Variants in ANKRD36 observed in about 807,000 individuals in gnomAD.
The protein encoded by ANKRD36 is ankyrin repeat domain 36.
In ANKRD36, 179 loss-of-function variants were observed where a neutral mutation model predicts 278.1. That is an observed-to-expected ratio of 0.64 (90% confidence interval 0.57 to 0.73). ANKRD36 has a LOEUF of 0.73. Among genes scored for constraint, ANKRD36 ranks in the 30% least tolerant of loss-of-function variants. The probability of loss-of-function intolerance (pLI) is 0.00; values close to 1 mark genes in which losing one functional copy is unlikely to be tolerated. For missense variants in ANKRD36, 1,159 were observed against 1,956.7 expected (o/e 0.59, Z 7.69); for synonymous variants, 320 against 641.1 (o/e 0.50, Z 7.57).
In ANKRD36 at chr2:97,187,320, T is replaced by G; in HGVS notation, c.2071-9T>G. On this transcript the variant is annotated splice_polypyrimidine_tract_variant and intron_variant, in intron 31 of 75. Coordinates refer to ENST00000420699, the MANE Select transcript of ANKRD36 (RefSeq NM_001354587.1). ...ATTTATTTATTATTTTCTTTCAAAT[T>G]CCATTCAGGCTACAACTGACGAGGA... The G allele has an allele frequency of 5.6e-6, 9 of 1,604,214 alleles. No individual in the cohort carries two copies. The highest frequency in any genetic ancestry group is 7.7e-6 in the Non-Finnish European group (9 of 1,175,994).
At chr2:97,169,811 G>A (rs1284873054) in intron 22 of ANKRD36, among the ~76,000 whole-genome samples, 1 of 152,240 alleles carries the variant, frequency 6.6e-6, no homozygotes, top group Non-Finnish European at 1.5e-5. Context: ...AACATTCCAT[G>A]CTCATGGATA....
At chr2:97,135,099 G>A (rs951832064) in intron 6 of ANKRD36, among the ~76,000 whole-genome samples, 7 of 152,010 alleles carry the variant, frequency 4.6e-5, no homozygotes, top group Non-Finnish European at 7.4e-5. Context: ...CCTTGACCCT[G>A]CTCTGTATCC....
chr2:97,191,206 G>A, intron 36 of ANKRD36, 25 bp downstream of exon 36: 2 of 1,556,588 alleles, frequency 1.3e-6, no homozygotes, highest in Non-Finnish European at 1.7e-6. Context: ...GACATTTAAT[G>A]TCATATTCAG....
chr2:97,179,923 A>G lies in ANKRD36; in HGVS notation c.1725A>G (p.Ile575Met). 8.7e-6 allele frequency: 14 copies of G among 1,605,640 alleles called. No individual in the cohort carries two copies. The highest frequency in any genetic ancestry group is 1.2e-5 in the Non-Finnish European group (14 of 1,178,274). ...CCACAGAAATAAAGGAGGGACCAAT[A>G]TCTGGGACAGGTAATTTTGCAAAAC... Reference protein sequence around the residue: ...NIATEIKEGPISGTVSSQKQP... With the variant: ...NIATEIKEGPMSGTVSSQKQP... The change falls in exon 24 of 76, where the codon ATA becomes ATG. Residue 575 changes from isoleucine (I) to methionine (M), a missense_variant. Transcript: ENST00000420699.
At chr2:97,160,541 G>A (rs1216191680) in intron 17 of ANKRD36, among the ~76,000 whole-genome samples, 1 of 152,048 alleles carries the variant, frequency 6.6e-6, no homozygotes, top group Non-Finnish European at 1.5e-5. Flanking sequence ...TGAGTATTGG[G>A]TCCTGACTGA....
intron 58 of ANKRD36, 56 bp downstream of exon 58, chr2:97,211,797 C>T: frequency 1.3e-6 from 2 of 1,512,510 alleles, no homozygotes; most frequent in Non-Finnish European, 1.8e-6. Context: ...GAGAACTTCT[C>T]TTCACCAAAT....
At position 97,210,005 on chromosome 2, in the gene ANKRD36, A is replaced by G. The variant is rs558787426; in HGVS notation, c.3367+133A>G. ...GCAGTCCTGAGATTCTTCATTTCAA[A>G]TAAGTTCTTGTGTGGTGCTGATGCT... is the stretch of plus-strand genomic sequence containing the variant. On this transcript the variant is annotated intron_variant, in intron 56 of 75. Transcript: ENST00000420699. The G allele has an allele frequency of 5.6e-5, 78 of 1,385,454 alleles. No individual in the cohort carries two copies. The Admixed American group carries it at 9.0e-4, about 16-fold the overall frequency. 85.8% of individuals were successfully genotyped at this position (1,385,454 alleles called of 1,614,324 possible). A position where few individuals can be genotyped will look rare whatever the true frequency, so the allele number is the denominator to read the frequency against.
intron 52 of ANKRD36, among the ~76,000 whole-genome samples, 159 bp downstream of exon 52, chr2:97,206,294 G>A (rs1410746286): frequency 6.6e-6 from 1 of 151,422 alleles, no homozygotes; most frequent in Non-Finnish European, 1.5e-5. Flanking sequence ...TGCTGATGCT[G>A]CTGGTCTGGA....
intron 64 of ANKRD36, among the ~76,000 whole-genome samples, chr2:97,218,049 C>A (rs1260748658): frequency 6.6e-6 from 1 of 152,076 alleles, no homozygotes; most frequent in Non-Finnish European, 1.5e-5. Context: ...ATTCATGTTT[C>A]TTAGTATCAG....
chr2:97,196,566 T>C (rs1336118516), intron 40 of ANKRD36, 27 bp from the exon 41 acceptor site: 1 of 1,604,174 alleles, frequency 6.2e-7, no homozygotes, highest in African/African-American at 1.3e-5. Context: ...TATGTATGAC[T>C]GATTATGAAT....
chr2:97,190,650 C>T (rs564617772), intron 34 of ANKRD36, among the ~76,000 whole-genome samples: 2 of 151,478 alleles, frequency 1.3e-5, no homozygotes, highest in East Asian at 2.0e-4. Context: ...TTGATTCTCA[C>T]GTGTATGAGT....
intron 54 of ANKRD36, among the ~76,000 whole-genome samples, chr2:97,208,363 C>T (rs1352646313): frequency 1.4e-5 from 2 of 146,588 alleles, no homozygotes; most frequent in Admixed American, 6.8e-5. Context: ...TCAGCTCGTA[C>T]TGCCAAGAAA....
chr2:97,184,067 G>A (rs527681162), intron 28 of ANKRD36, among the ~76,000 whole-genome samples: 11 of 151,814 alleles, frequency 7.2e-5, no homozygotes, highest in African/African-American at 2.7e-4. Context: ...ACTGGAGAAT[G>A]AGAAACAAAG....
At chr2:97,189,167 A>G (rs2058039661) in intron 33 of ANKRD36, 51 bp from the exon 34 acceptor site, 1 of 748,854 alleles carries the variant, frequency 1.3e-6, no homozygotes, top group African/African-American at 1.4e-5. Flanking sequence ...AGTCTATGAA[A>G]CATACTTCAT....
chr2:97,194,310 GT>G (rs1437386010), intron 38 of ANKRD36, among the ~76,000 whole-genome samples: 3 of 151,568 alleles, frequency 2.0e-5, no homozygotes, highest in African/African-American at 7.3e-5. Flanking sequence ...CATGAAAAAT[GT>G]TTGTAGTATA....
In ANKRD36 at chr2:97,124,477, C is replaced by G. The variant is rs1173241412; in HGVS notation, c.611C>G (p.Ala204Gly). The G allele has an allele frequency of 1.3e-6, 2 of 1,549,990 alleles. No individual in the cohort carries two copies. The highest frequency in any genetic ancestry group is 1.7e-6 in the Non-Finnish European group (2 of 1,146,172). The part of the protein sequence containing the change: ...DYLGRSALIH[A>G]VTLGEKDIVI... The stretch of plus-strand genomic sequence containing the variant: ...TATTTTAGATCAGCCCTCATACATG[C>G]TGTTACTCTTGGAGAAAAAGATATA... Residue 204 changes from alanine (A) to glycine (G), a missense_variant, in exon 5 of 76, where the codon GCT becomes GGT. By Grantham distance (60) the Ala-to-Gly change is moderately conservative. Transcript: ENST00000420699.
At chr2:97,187,522 G>A in intron 32 of ANKRD36, 121 bp downstream of exon 32, 3 of 1,368,052 alleles carry the variant, frequency 2.2e-6, no homozygotes, top group African/African-American at 1.5e-5. Context: ...TTCTGATCCA[G>A]CAGGTCTGAG....
In ANKRD36 at chr2:97,182,774, A is replaced by T. The variant is rs2056544373; in HGVS notation, c.1838-685A>T. Among the ~76,000 whole-genome samples, 4 of 151,444 alleles carry T rather than the reference A, an allele frequency of 2.6e-5. 1 individual carries two copies. The South Asian group carries it at 8.4e-4, about 32-fold the overall frequency. On this transcript the variant is annotated intron_variant, in intron 26 of 75. Coordinates refer to ENST00000420699, the MANE Select transcript of ANKRD36 (RefSeq NM_001354587.1). The stretch of plus-strand genomic sequence containing the variant: ...TGATCATTTATTATACTTTTTGATA[A>T]GGTTTATGTATTATATTTGTTGCCA...
chr2:97,225,297 C>T (rs1372071105), intron 67 of ANKRD36, among the ~76,000 whole-genome samples: 2 of 152,020 alleles, frequency 1.3e-5, no homozygotes. Context: ...TATTGCCAGT[C>T]ACTAATACCA....
Sources: gnomAD v4.1 joint callset for allele counts (sites outside exome capture counted in the v4.1 genomes callset) on GRCh38, gnomAD v4.1.1 for gene constraint, MANE v1.5 for transcripts, NCBI Gene and HGNC (gene_info 2026-07-23, HGNC 2026-07-21) for gene names.